Variants in GON4L observed in about 807,000 individuals in gnomAD.
The protein encoded by GON4L is gon-4 like, also known as GON-4-like protein.
In GON4L, 87 loss-of-function variants were observed where a neutral mutation model predicts 211.8. That is an observed-to-expected ratio of 0.41 (90% CI 0.35 to 0.49). The LOEUF is 0.49. Among genes scored for constraint, GON4L ranks in the 20% least tolerant of loss-of-function variants. The pLI is 0.15. For missense variants in GON4L, 2,155 were observed against 2,659.5 expected, an observed-to-expected ratio of 0.81 and a Z score of 4.17; for synonymous variants, 875 against 962.6, an observed-to-expected ratio of 0.91 and a Z score of 1.68.
chr1:155,779,721 T>G (rs887044911), intron 14 of GON4L, among the ~76,000 whole-genome samples: 2 of 152,184 alleles, frequency 1.3e-5, no homozygotes, highest in African/African-American at 4.8e-5. Context: ...AATTTTTGCT[T>G]CAGCCCTGGA....
intron 2 of GON4L, among the ~76,000 whole-genome samples, chr1:155,840,896 G>C (rs148602650): frequency 6.6e-6 from 1 of 152,134 alleles, no homozygotes; most frequent in Non-Finnish European, 1.5e-5. Context: ...TTAGCTGGGC[G>C]TGGTAGTACA....
At chr1:155,795,424 C>G (rs774827758) in intron 11 of GON4L, among the ~76,000 whole-genome samples, 2 of 152,134 alleles carry the variant, frequency 1.3e-5, no homozygotes, top group Non-Finnish European at 2.9e-5. Context: ...GAAAATAATA[C>G]TTTCTGTAAA....
intron 2 of GON4L, chr1:155,845,403 T>C (rs1174500819): frequency 1.3e-5 from 4 of 314,338 alleles, no homozygotes; most frequent in Non-Finnish European, 2.6e-5. Context: ...CAGAAGGTGG[T>C]AGTCCACCCC....
rs1421595035 is a variant in GON4L, at chr1:155,814,354, A to G, written c.1257T>C (p.Asp419=). 3 of 1,613,510 alleles carry G rather than the reference A, an allele frequency of 1.9e-6. No homozygotes were observed. Among genetic ancestry groups the G allele is most frequent in the East Asian group, 4.5e-5 (2 of 44,884 alleles). The change falls in exon 9 of 32, where the codon GAT becomes GAC. Residue 419 remains aspartate (D), a synonymous_variant. Coordinates refer to ENST00000368331, the MANE Select transcript of GON4L (RefSeq NM_001282860.2). Reference sequence around the variant, plus strand: ...CCTCTGATAATATGCCACTCTCCTCATCTGTTTCAGTCATCTCAGAAGACT... The same window carrying G: ...CCTCTGATAATATGCCACTCTCCTCGTCTGTTTCAGTCATCTCAGAAGACT... ...LRQSSEMTET[D]EESGILSEAE...
At chr1:155,846,645 T>C (rs1671277928) in intron 2 of GON4L, 1 of 152,136 alleles carries the variant, frequency 6.6e-6, no homozygotes, top group Non-Finnish European at 1.5e-5. Context: ...ATTTTTTAAT[T>C]TGTAAACTAA....
In GON4L at chr1:155,826,969, C is replaced by T; in HGVS notation, c.565G>A (p.Ala189Thr). The change falls in exon 3 of 32, where the codon GCA (alanine) becomes ACA (threonine). Residue 189 changes from alanine to threonine, a missense_variant. By Grantham distance (58) the Ala-to-Thr change is moderately conservative. Around this residue, in one of 6 missense-constraint regions of GON4L, gnomAD observed 313 missense variants for 293.2 expected, o/e 1.07. Coordinates refer to ENST00000368331, the MANE Select transcript of GON4L (RefSeq NM_001282860.2). ...IPSLPSGSQS[A>T]KPVSQPRKST... ...TTCCTGGGCTGGCTTACTGGTTTTG[C>T]AGATTGGCTGCCTGATGGCAGGGAA... 1 of 1,614,032 alleles carries T rather than the reference C, an allele frequency of 6.2e-7. No homozygotes were observed.
chr1:155,747,887 C>T (rs1217522275), downstream of GON4L: 1 of 1,575,834 alleles, frequency 6.3e-7, no homozygotes, highest in East Asian at 2.2e-5. Flanking sequence ...CTGGTCCCTA[C>T]CATCGTGGGG....
chr1:155,753,165 G>C (rs1257886922), intron 29 of GON4L, 39 bp downstream of exon 29: 1 of 1,478,338 alleles, frequency 6.8e-7, no homozygotes, highest in Admixed American at 1.7e-5. Flanking sequence ...AGGATAACGA[G>C]ACTGAGGAAC....
intron 23 of GON4L, among the ~76,000 whole-genome samples, chr1:155,761,402 G>C (rs1330001808): frequency 1.3e-5 from 2 of 151,234 alleles, no homozygotes; most frequent in Non-Finnish European, 2.9e-5. Context: ...GCCCAGGCTT[G>C]TCTTGTCTTG....
rs1238656035 is a variant in GON4L, at chr1:155,800,126, G to C, written c.1645+4823C>G. 1.3e-3 allele frequency among the ~76,000 whole-genome samples: 191 copies of C among 152,058 alleles called. 1 individual carries two copies. The highest frequency in any genetic ancestry group is 4.4e-3 in the African/African-American group (184 of 41,494). ...AGGCAGGAAAATCGCTTGAACCTGGGAGGCAGAGGTTGCGGTGAGCTGAGA... is the reference window on the plus strand; with the variant it reads ...AGGCAGGAAAATCGCTTGAACCTGGCAGGCAGAGGTTGCGGTGAGCTGAGA... On this transcript the variant is annotated intron_variant, in intron 11 of 31. Transcript: ENST00000368331.
rs1046614075 is a variant in GON4L at position 155,773,054 on chromosome 1, G to A, written c.2495+12C>T. 3.1e-6 allele frequency: 5 copies of A among 1,611,678 alleles called. No homozygotes were observed. Among genetic ancestry groups the A allele is most frequent in the Admixed American group, 3.3e-5 (2 of 59,954 alleles). ...TGTTCTGCTGTTTTGATCCCCCAGAGTAAACACTTACTTGTCCTCAGCCTT... is the reference window on the plus strand; with the variant it reads ...TGTTCTGCTGTTTTGATCCCCCAGAATAAACACTTACTTGTCCTCAGCCTT... On this transcript the variant is annotated intron_variant, in intron 18 of 31. Coordinates refer to ENST00000368331, the MANE Select transcript of GON4L (RefSeq NM_001282860.2).
At position 155,765,697 on chromosome 1, in the gene GON4L, G is replaced by A. The variant is rs764622056; in HGVS notation, c.3776C>T (p.Ala1259Val). The A allele has an allele frequency of 1.9e-6, 3 of 1,614,172 alleles. No homozygotes were observed. The highest frequency in any genetic ancestry group is 2.2e-5 in the South Asian group (2 of 91,078). ...ATGTTCCACTTTCGGGAAAACAGTA[G>A]CAGAGAGAGGAGATAGTTCCTGGGG... ...LEPQELSPLS[A>V]TVFPKVEHSP... is the part of the protein sequence containing the mutation. Residue 1259 changes from alanine (A) to valine (V), a missense_variant, in exon 21 of 32, where the codon GCT (alanine) becomes GTT (valine). Transcript: ENST00000368331.
At chr1:155,752,740 G>A in intron 29 of GON4L, 150 bp from the exon 30 acceptor site, 2 of 1,190,770 alleles carry the variant, frequency 1.7e-6, no homozygotes, top group East Asian at 5.2e-5. Flanking sequence ...CGCACTTTGG[G>A]AAGCCAAAGT....
At chr1:155,759,121 C>T (rs1022162843) in intron 24 of GON4L, among the ~76,000 whole-genome samples, 2 of 152,140 alleles carry the variant, frequency 1.3e-5, no homozygotes, top group Non-Finnish European at 2.9e-5. Flanking sequence ...CTCAGCCACC[C>T]AAATAGCTGG....
At chr1:155,745,799 A>AGGCGCGGCGGCCCC (rs1260013424), downstream of GON4L, 2 of 608,064 alleles carry the variant, frequency 3.3e-6, no homozygotes, top group African/African-American at 3.7e-5. Context: ...GGCGCGGCTG[A>AGGCGCGGCGGCCCC]GGCGCGGCGG....
intron 2 of GON4L, among the ~76,000 whole-genome samples, chr1:155,849,093 A>T (rs540901866): frequency 6.7e-6 from 1 of 148,426 alleles, no homozygotes; most frequent in South Asian, 2.2e-4. Flanking sequence ...GGTTGCAGTG[A>T]GCCAAAATCA....
intron 2 of GON4L, among the ~76,000 whole-genome samples, chr1:155,828,703 G>T (rs955726506): frequency 6.6e-6 from 1 of 150,944 alleles, no homozygotes; most frequent in Non-Finnish European, 1.5e-5. Flanking sequence ...AGCTACTTAG[G>T]ATGCTGAGGT....
chr1:155,814,310 T>G lies in GON4L; in HGVS notation c.1281+20A>C, dbSNP rs764635624. On this transcript the variant is annotated intron_variant, in intron 9 of 31. Coordinates refer to ENST00000368331, the MANE Select transcript of GON4L (RefSeq NM_001282860.2). ...TTAGACAGTTATGTCTAACATCTCTTTTGTATGATGCCGATTTACCTCTGA... is the reference window on the plus strand; with the variant it reads ...TTAGACAGTTATGTCTAACATCTCTGTTGTATGATGCCGATTTACCTCTGA... 1 of 1,607,780 alleles carries G rather than the reference T, an allele frequency of 6.2e-7. No homozygotes were observed. The highest frequency in any genetic ancestry group is 1.1e-5 in the South Asian group (1 of 90,962).
At chr1:155,798,133 T>A (rs1025795225) in intron 11 of GON4L, among the ~76,000 whole-genome samples, 1 of 148,528 alleles carries the variant, frequency 6.7e-6, no homozygotes, top group Non-Finnish European at 1.5e-5. Flanking sequence ...AATATATATA[T>A]ACTTATACAG....
Sources: allele counts gnomAD v4.1 joint callset (sites outside exome capture counted in the v4.1 genomes callset), GRCh38; gene constraint gnomAD v4.1.1; regional missense constraint gnomAD v4.1.1; transcripts MANE v1.5; gene names NCBI Gene and HGNC (gene_info 2026-07-23, HGNC 2026-07-21).